Variants in MTOR observed in about 807,000 individuals in gnomAD.
The protein encoded by MTOR is serine/threonine-protein kinase mTOR.
In MTOR, 70 loss-of-function variants were observed where a neutral mutation model predicts 319.8. The ratio of observed to expected loss-of-function variants is 0.22; its 90% CI spans 0.18 to 0.27. The LOEUF is 0.27. MTOR is among the 10% of genes least tolerant of loss of function. The pLI, the probability that MTOR is intolerant of heterozygous loss-of-function variation, is 1.00. For missense variants in MTOR, 1,890 were observed against 3,274.4 expected (o/e 0.58, Z 10.32); for synonymous variants, 1,183 against 1,211.4 (o/e 0.98, Z 0.49).
chr1:11,120,860 T>C (rs1249387201), intron 49 of MTOR, among the ~76,000 whole-genome samples: 1 of 152,142 alleles, frequency 6.6e-6, no homozygotes, highest in Non-Finnish European at 1.5e-5. Context: ...GTTGGCTGAA[T>C]CCACAGATGC....
At position 11,232,352 on chromosome 1, in the gene MTOR, G is replaced by A. The variant is rs530475765; in HGVS notation, c.2514+84C>T. On this transcript the variant is annotated intron_variant, in intron 16 of 57. Transcript: ENST00000361445. ...TCACACTCTGTTCTAGGCACTGGGT[G>A]AGGACACTAAGGTGAATAAAGAGAA... 101 of 948,558 alleles carry A rather than the reference G, an allele frequency of 1.1e-4. No individual in the cohort carries two copies. The South Asian group carries it at 1.4e-3, about 13-fold the overall frequency. The allele number at this position is 948,558 out of a possible 1,614,324, so 58.8% of individuals were successfully genotyped here. A position where few individuals can be genotyped will look rare whatever the true frequency, so the allele number is the denominator to read the frequency against.
intron 28 of MTOR, among the ~76,000 whole-genome samples, chr1:11,186,574 C>A (rs1645329757): frequency 6.6e-6 from 1 of 152,198 alleles, no homozygotes; most frequent in Admixed American, 6.5e-5. Flanking sequence ...CCTAGGTTTT[C>A]CAGATTTTGT....
Position 11,212,652 on chromosome 1 carries a change from T to C in MTOR, c.3398+144A>G. 9.4e-7 allele frequency: 1 copy of C among 1,067,856 alleles called. No individual in the cohort carries two copies. The highest frequency in any genetic ancestry group is 1.4e-6 in the Non-Finnish European group (1 of 731,134). 66.1% of individuals were successfully genotyped at this position (1,067,856 alleles called of 1,614,324 possible). A position where few individuals can be genotyped will look rare whatever the true frequency, so the allele number is the denominator to read the frequency against. ...GGGATAGGGACAGTTAAGATTTCCA[T>C]AAACCTGGGATATTTCTAGACTAAA... On this transcript the variant is annotated intron_variant, in intron 22 of 57. Transcript: ENST00000361445. The surrounding 1 kb of genome is among the most constrained non-coding windows in gnomAD (Gnocchi z 4.1).
chr1:11,238,984 TA>T, intron 11 of MTOR, among the ~76,000 whole-genome samples: 1 of 151,150 alleles, frequency 6.6e-6, no homozygotes, highest in East Asian at 2.0e-4. Context: ...CCATGTTAGC[TA>T]GGATGGTCTC....
At chr1:11,156,221 T>G (rs1347473279) in intron 30 of MTOR, among the ~76,000 whole-genome samples, 1 of 152,164 alleles carries the variant, frequency 6.6e-6, no homozygotes, top group Non-Finnish European at 1.5e-5. Flanking sequence ...AACTCCTGAC[T>G]TCAAATGATC....
chr1:11,214,948 GCTGGATCA>G (rs1447579926), intron 20 of MTOR, among the ~76,000 whole-genome samples: 4 of 152,126 alleles, frequency 2.6e-5, no homozygotes, highest in African/African-American at 9.7e-5. Context: ...AGGGATGTCA[GCTGGATCA>G]CTGTTCACAA....
chr1:11,217,662 T>C (rs769263649), intron 19 of MTOR, among the ~76,000 whole-genome samples: 10 of 151,646 alleles, frequency 6.6e-5, no homozygotes, highest in Non-Finnish European at 1.0e-4. Flanking sequence ...CCGCCCGCCT[T>C]GCCCTCCCAA....
chr1:11,180,816 C>A (rs1446911755), intron 28 of MTOR, among the ~76,000 whole-genome samples: 1 of 147,806 alleles, frequency 6.8e-6, no homozygotes, highest in African/African-American at 2.5e-5. Context: ...CTTGCTCTGT[C>A]GCCAGGCTGG....
intron 28 of MTOR, among the ~76,000 whole-genome samples, chr1:11,184,494 G>A (rs1645251945): frequency 6.6e-6 from 1 of 152,202 alleles, no homozygotes. Flanking sequence ...AGCACTTCGG[G>A]AGGTTGAGAT....
intron 32 of MTOR, among the ~76,000 whole-genome samples, chr1:11,146,172 C>T (rs1167182110): frequency 6.6e-6 from 1 of 152,218 alleles, no homozygotes; most frequent in African/African-American, 2.4e-5. Context: ...AGATCATTTA[C>T]CCGGGCACCT....
intron 25 of MTOR, among the ~76,000 whole-genome samples, chr1:11,208,458 C>T (rs1162695910): frequency 6.6e-6 from 1 of 152,230 alleles, no homozygotes; most frequent in Non-Finnish European, 1.5e-5. Flanking sequence ...AAGAAGTGAA[C>T]GAGTCAGCTA....
chr1:11,261,636 A>T (rs916599139), intron 1 of MTOR, among the ~76,000 whole-genome samples: 1 of 152,144 alleles, frequency 6.6e-6, no homozygotes, highest in African/African-American at 2.4e-5. Context: ...TGTAAGGCAC[A>T]GAGGAAAAAC....
At position 11,150,649 on chromosome 1, in the gene MTOR, A is replaced by G. The variant is rs572502082; in HGVS notation, c.4470-423T>C. ...AACTGGCTCCTAAAAGTATTATACCAATGGTTTCAGTCTGAAATGAAACCC... is the reference window on the plus strand; with the variant it reads ...AACTGGCTCCTAAAAGTATTATACCGATGGTTTCAGTCTGAAATGAAACCC... On this transcript the variant is annotated intron_variant, in intron 30 of 57. Transcript: ENST00000361445. 9.9e-4 allele frequency among the ~76,000 whole-genome samples: 151 copies of G among 152,326 alleles called. 1 individual carries two copies. Among genetic ancestry groups the G allele is most frequent in the South Asian group, 5.2e-3 (25 of 4,828 alleles).
At chr1:11,118,692 A>G (rs1337024166) in intron 49 of MTOR, among the ~76,000 whole-genome samples, 6 of 148,656 alleles carry the variant, frequency 4.0e-5, no homozygotes, top group Non-Finnish European at 8.9e-5. Flanking sequence ...CAGTGGCACA[A>G]TCTCAGCTAA....
chr1:11,168,313 G>A (rs780708949), intron 28 of MTOR, among the ~76,000 whole-genome samples: 3 of 151,830 alleles, frequency 2.0e-5, no homozygotes, highest in African/African-American at 7.3e-5. Context: ...TGAGTAGCTG[G>A]GATTACAGGT....
chr1:11,194,390 G>A, intron 28 of MTOR: 1 of 1,439,376 alleles, frequency 6.9e-7, no homozygotes, highest in Non-Finnish European at 9.8e-7. Flanking sequence ...ACTGTCAGGA[G>A]AGAAGGGGTA....
Position 11,152,792 on chromosome 1 carries a change from C to T in MTOR, c.4470-2566G>A, listed in dbSNP as rs544025323. Among the ~76,000 whole-genome samples the T allele has an allele frequency of 3.7e-4, 56 of 152,334 alleles. 1 individual carries two copies. The highest frequency in any genetic ancestry group is 1.3e-3 in the African/African-American group (54 of 41,580). On this transcript the variant is annotated intron_variant, in intron 30 of 57. Transcript: ENST00000361445. ...GCACACAAAAGAAATTTAGAAATTG[C>T]ACTCTAAACAGAATTGACTGAATAA...
chr1:11,141,351 T>C (rs1272095719), intron 34 of MTOR, among the ~76,000 whole-genome samples: 1 of 151,890 alleles, frequency 6.6e-6, no homozygotes, highest in African/African-American at 2.4e-5. Context: ...GGGCTTAAGC[T>C]ATCTGCCTGC....
chr1:11,241,320 C>CAAA lies in MTOR; in HGVS notation c.1541+230_1541+232dup, dbSNP rs750527139. Among the ~76,000 whole-genome samples the CAAA allele has an allele frequency of 4.8e-3, 252 of 52,914 alleles. 3 individuals carry two copies. The highest frequency in any genetic ancestry group is 0.011 in the Middle Eastern group (1 of 90). The allele number at this position is 52,914 out of a possible 152,430, so 34.7% of individuals were successfully genotyped here. ...TGGGCGACAGAGCGAGACCCCTTCT[C>CAAA]AAAAAAAAAAAAAAAAAAAAATGAG... is the stretch of plus-strand genomic sequence containing the variant. On this transcript the variant is annotated intron_variant, in intron 10 of 57. Transcript: ENST00000361445.
Sources: allele counts gnomAD v4.1 joint callset (sites outside exome capture counted in the v4.1 genomes callset), GRCh38; gene constraint gnomAD v4.1.1; non-coding constraint Gnocchi (gnomAD v3.1); transcripts MANE v1.5; gene names NCBI Gene and HGNC (gene_info 2026-07-23, HGNC 2026-07-21).